Variants in EPC1 observed in about 807,000 individuals in gnomAD.
The protein encoded by EPC1 is enhancer of polycomb 1.
A neutral mutation model predicts 98.4 loss-of-function variants in EPC1; 12 were observed. The observed-to-expected ratio is 0.12, with a 90% CI of 0.08 to 0.20. The LOEUF (loss-of-function observed/expected upper bound fraction) is 0.20. EPC1 is among the 10% of genes least tolerant of loss of function. The pLI, the probability that EPC1 is intolerant of heterozygous loss-of-function variation, is 1.00. For synonymous variants in EPC1, 357 were observed against 363.9 expected (o/e 0.98, Z 0.21); for missense variants, 729 against 990.5 (o/e 0.74, Z 3.54).
intron 1 of EPC1, among the ~76,000 whole-genome samples, chr10:32,312,918 A>G (rs1302579713): frequency 6.6e-6 from 1 of 152,238 alleles, no homozygotes; most frequent in Non-Finnish European, 1.5e-5. Flanking sequence ...CATTCAACAG[A>G]TATCTAATGA....
chr10:32,328,304 C>T (rs1252074291), intron 1 of EPC1, among the ~76,000 whole-genome samples: 2 of 152,190 alleles, frequency 1.3e-5, no homozygotes, highest in African/African-American at 4.8e-5. Context: ...CATAAATACA[C>T]ACACACAGAG....
intron 10 of EPC1, among the ~76,000 whole-genome samples, chr10:32,275,062 G>T (rs1024999468): frequency 6.6e-6 from 1 of 152,186 alleles, no homozygotes; most frequent in African/African-American, 2.4e-5. Flanking sequence ...ACCATTTTTG[G>T]AAGGTCAGGT....
intron 10 of EPC1, 79 bp downstream of exon 10, chr10:32,284,619 A>T: frequency 8.4e-7 from 1 of 1,193,820 alleles, no homozygotes; most frequent in Non-Finnish European, 1.2e-6. Context: ...TAAATGTAAC[A>T]GACCACATAG....
Position 32,291,285 on chromosome 10 carries a change from C to T in EPC1, c.853G>A (p.Glu285Lys). ...LGDYNGEIMS[E>K]VMAQRQPMKP... is the part of the protein sequence containing the mutation. Reference sequence around the variant, plus strand: ...ATTGGCTGTCTCTGTGCCATAACCTCAGACATGATCTCTCCATTGTAGTCG... The same window carrying T: ...ATTGGCTGTCTCTGTGCCATAACCTTAGACATGATCTCTCCATTGTAGTCG... Residue 285 changes from glutamate (E) to lysine (K), a missense_variant, in exon 6 of 14, where the codon GAG becomes AAG. Glu to Lys is a moderately conservative substitution (Grantham distance 56). This residue lies in a region of EPC1 where 390 missense variants were observed against 438.6 expected (regional missense o/e 0.89). Transcript: ENST00000319778. The T allele has an allele frequency of 6.2e-7, 1 of 1,613,854 alleles. No individual in the cohort carries two copies. The highest frequency in any genetic ancestry group is 8.5e-7 in the Non-Finnish European group (1 of 1,179,850).
chr10:32,281,544 A>G (rs1294401288), intron 10 of EPC1: 1 of 152,222 alleles, frequency 6.6e-6, no homozygotes, highest in African/African-American at 2.4e-5. Context: ...TAAAGTGGCA[A>G]TGCGGGCACT....
chr10:32,300,094 G>A (rs945269013), intron 2 of EPC1, among the ~76,000 whole-genome samples: 4 of 151,896 alleles, frequency 2.6e-5, no homozygotes, highest in South Asian at 4.2e-4. Context: ...TGTATTTTTA[G>A]TAGAGACAGA....
At chr10:32,372,855 T>C (rs1201410061) in intron 1 of EPC1, among the ~76,000 whole-genome samples, 3 of 152,114 alleles carry the variant, frequency 2.0e-5, no homozygotes, top group Admixed American at 6.6e-5. Context: ...ATCCCATCTC[T>C]ACTAAAAATA....
intron 1 of EPC1, among the ~76,000 whole-genome samples, chr10:32,356,697 A>T (rs558301423): frequency 9.7e-4 from 147 of 152,264 alleles, no homozygotes; most frequent in African/African-American, 3.4e-3. Flanking sequence ...TTGATTAAAC[A>T]TTTACCGCCA....
chr10:32,317,711 T>C (rs929313934), intron 1 of EPC1, among the ~76,000 whole-genome samples: 4 of 152,168 alleles, frequency 2.6e-5, no homozygotes, highest in Admixed American at 1.3e-4. Context: ...TGGTAATAGT[T>C]TAAGGACAGA....
intron 2 of EPC1, among the ~76,000 whole-genome samples, chr10:32,300,397 CG>C (rs148742569): frequency 0.015 from 2,201 of 151,580 alleles, 65 homozygotes; most frequent in African/African-American, 0.05. Context: ...CTCCCGCCCC[CG>C]CTCCTGCATT....
chr10:32,375,324 T>C (rs1439701053), intron 1 of EPC1, among the ~76,000 whole-genome samples: 1 of 152,118 alleles, frequency 6.6e-6, no homozygotes, highest in East Asian at 1.9e-4. Flanking sequence ...TTATGTTTGG[T>C]CACCTTAACA....
chr10:32,360,665 G>T (rs1451593156), intron 1 of EPC1, among the ~76,000 whole-genome samples: 1 of 152,158 alleles, frequency 6.6e-6, no homozygotes, highest in Non-Finnish European at 1.5e-5. Context: ...AGGCCAAGGT[G>T]GGTGGATCAC....
chr10:32,287,088 G>C lies in EPC1; in HGVS notation c.1152+10C>G. Reference sequence around the variant, plus strand: ...CCCTCCTCAATGTTCATAGAGAATTGTATTTGTACCTGGGAGAGAGGTTCT... The same window carrying C: ...CCCTCCTCAATGTTCATAGAGAATTCTATTTGTACCTGGGAGAGAGGTTCT... On this transcript the variant is annotated intron_variant, in intron 7 of 13. Coordinates refer to ENST00000319778, the MANE Select transcript of EPC1 (RefSeq NM_001272004.3). The C allele has an allele frequency of 6.2e-7, 1 of 1,614,088 alleles. No individual in the cohort carries two copies. Among genetic ancestry groups the C allele is most frequent in the Non-Finnish European group, 8.5e-7 (1 of 1,179,988 alleles).
chr10:32,358,820 C>T (rs1034002181), intron 1 of EPC1, among the ~76,000 whole-genome samples: 8 of 152,190 alleles, frequency 5.3e-5, no homozygotes, highest in African/African-American at 1.9e-4. Context: ...ATCAGTATTT[C>T]TTTCCAGATA....
At position 32,305,893 on chromosome 10, in the gene EPC1, C is replaced by T; in HGVS notation, c.192G>A (p.Val64=). ...CCATATTATCCCTCTTCTCGCCATACACCTGCTGTGCTGAAATAGCCCGCT... is the reference window on the plus strand; with the variant it reads ...CCATATTATCCCTCTTCTCGCCATATACCTGCTGTGCTGAAATAGCCCGCT... The part of the protein sequence containing the change: ...HLQRAISAQQ[V]YGEKRDNMVI... The change falls in exon 2 of 14, where the codon GTG becomes GTA. Residue 64 remains valine, a synonymous_variant. Transcript: ENST00000319778. 1 of 1,610,368 alleles carries T rather than the reference C, an allele frequency of 6.2e-7. No individual in the cohort carries two copies. Among genetic ancestry groups the T allele is most frequent in the South Asian group, 1.1e-5 (1 of 90,138 alleles).
intron 1 of EPC1, among the ~76,000 whole-genome samples, chr10:32,358,504 G>T (rs1040231599): frequency 6.6e-6 from 1 of 151,880 alleles, no homozygotes; most frequent in Non-Finnish European, 1.5e-5. Flanking sequence ...ATTAGCCAGG[G>T]TGTGGTGGTG....
intron 2 of EPC1, among the ~76,000 whole-genome samples, chr10:32,294,881 AGATTTCATT>A (rs1218966137): frequency 6.6e-6 from 1 of 152,114 alleles, no homozygotes; most frequent in Non-Finnish European, 1.5e-5. Context: ...TAGTAACATC[AGATTTCATT>A]GATTTCATGC....
chr10:32,369,481 C>T (rs767763248), intron 1 of EPC1, among the ~76,000 whole-genome samples: 1 of 152,008 alleles, frequency 6.6e-6, no homozygotes, highest in Non-Finnish European at 1.5e-5. Context: ...TAGTTGTGTT[C>T]CAACCAAAAC....
chr10:32,377,072 G>A (rs1024466621), intron 1 of EPC1: 21 of 151,946 alleles, frequency 1.4e-4, no homozygotes, highest in African/African-American at 4.8e-4. Flanking sequence ...GAACAAAGAT[G>A]GAAAAGATAT....
Sources: allele counts gnomAD v4.1 joint callset (sites outside exome capture counted in the v4.1 genomes callset), GRCh38; gene constraint gnomAD v4.1.1; regional missense constraint gnomAD v4.1.1; transcripts MANE v1.5; gene names NCBI Gene and HGNC (gene_info 2026-07-23, HGNC 2026-07-21).